ANOS1: variants seen among roughly 807,000 people sequenced by gnomAD.
ANOS1 encodes anosmin 1.
ANOS1 carries 6 observed loss-of-function variants against 59.0 expected under a neutral mutation model. The observed-to-expected ratio is 0.10, with a 90% CI of 0.06 to 0.20. The LOEUF (loss-of-function observed/expected upper bound fraction) is 0.20, where lower values mean the gene tolerates loss of function less well. ANOS1 is among the 10% of genes least tolerant of loss of function. The pLI is 1.00. For synonymous variants in ANOS1, 217 were observed against 223.4 expected, an observed-to-expected ratio of 0.97 and a Z score of 0.25; for missense variants, 433 against 542.3, an observed-to-expected ratio of 0.80 and a Z score of 2.00.
chrX:8,677,947 G>A (rs950332002), intron 2 of ANOS1, among the ~76,000 whole-genome samples: 2 of 110,916 alleles, frequency 1.8e-5, no homozygotes, highest in Non-Finnish European at 3.8e-5. Context: ...TGGGTTGTAG[G>A]GTCCAGAACT....
intron 2 of ANOS1, among the ~76,000 whole-genome samples, chrX:8,657,067 A>C (rs957130090): frequency 6.2e-5 from 7 of 112,408 alleles, no homozygotes; most frequent in African/African-American, 2.3e-4. Flanking sequence ...AGAAGTGGGA[A>C]GGGGGCAGGC....
At chrX:8,594,678 A>ATGTG (rs1314463859) in intron 4 of ANOS1, among the ~76,000 whole-genome samples, 1 of 58,846 alleles carries the variant, frequency 1.7e-5, no homozygotes, top group Admixed American at 2.0e-4. Context: ...ATATATATAT[A>ATGTG]TATATATATA....
intron 1 of ANOS1, among the ~76,000 whole-genome samples, chrX:8,705,119 C>T (rs2146902059): frequency 9.0e-6 from 1 of 111,290 alleles, no homozygotes; most frequent in East Asian, 2.8e-4. Context: ...CCTGACTGGC[C>T]ATTTATTTTC....
Position 8,568,301 on chromosome X carries a change from A to G in ANOS1, c.1138T>C (p.Trp380Arg), listed in dbSNP as rs1353163968. ...GCACTCTTCAGCCGTGTCTGTCCCC[A>G]GTACGTTATGGCTTGCAATTCCACA... ...YVVELQAITY[W>R]GQTRLKSAKV... is the part of the protein sequence containing the mutation. Residue 380 changes from tryptophan to arginine, a missense_variant, in exon 8 of 14, where the codon TGG (tryptophan) becomes CGG (arginine). Physicochemically the swap from Trp to Arg is moderately radical, Grantham distance 101. Transcript: ENST00000262648. 1 of 1,207,411 alleles carries G rather than the reference A, an allele frequency of 8.3e-7. No individual in the cohort carries two copies. Among genetic ancestry groups the G allele is most frequent in the Non-Finnish European group, 1.1e-6 (1 of 893,146 alleles).
chrX:8,538,994 T>C (rs1451029512), intron 10 of ANOS1, among the ~76,000 whole-genome samples: 1 of 112,086 alleles, frequency 8.9e-6, no homozygotes, highest in African/African-American at 3.2e-5. Flanking sequence ...AGGTATCACA[T>C]ATAAACTGCC....
intron 2 of ANOS1, among the ~76,000 whole-genome samples, chrX:8,655,679 C>G (rs1931921270): frequency 9.0e-6 from 1 of 111,714 alleles, no homozygotes; most frequent in Admixed American, 9.5e-5. Context: ...TCCTCCTCCC[C>G]ACAGTGCAGC....
At position 8,566,104 on chromosome X, in the gene ANOS1, G is replaced by A. The variant is rs1272790041; in HGVS notation, c.1207+2128C>T. 5 of 752,719 alleles carry A rather than the reference G, an allele frequency of 6.6e-6. No individual in the cohort carries two copies. The Admixed American group carries it at 4.4e-4, about 66-fold the overall frequency. The allele number at this position is 752,719 out of a possible 1,213,427, so 62.0% of individuals were successfully genotyped here. Reference sequence around the variant, plus strand: ...TTGTGTGGAATGATGTCCATTCCTTGTGGGCCTGCAGATCGCTCACTCTTC... The same window carrying A: ...TTGTGTGGAATGATGTCCATTCCTTATGGGCCTGCAGATCGCTCACTCTTC... On this transcript the variant is annotated intron_variant, in intron 8 of 13. Transcript: ENST00000262648.
chrX:8,610,935 C>T (rs1253932800), intron 3 of ANOS1, among the ~76,000 whole-genome samples: 1 of 111,484 alleles, frequency 9.0e-6, no homozygotes, highest in African/African-American at 3.3e-5. Flanking sequence ...CAAAAATAAT[C>T]CAGTGTGCAA....
chrX:8,530,443 A>G lies in ANOS1; in HGVS notation c.*2552T>C, dbSNP rs1250622731. The G allele has an allele frequency of 8.9e-6, 1 of 111,957 alleles. No individual in the cohort carries two copies. The highest frequency in any genetic ancestry group is 3.2e-5 in the African/African-American group (1 of 30,906). The allele number at this position is 111,957 out of a possible 1,213,427, so 9.2% of individuals were successfully genotyped here. On this transcript the variant is annotated 3_prime_UTR_variant, in exon 14 of 14. Coordinates refer to ENST00000262648, the MANE Select transcript of ANOS1 (RefSeq NM_000216.4). ...TCACATTTTTAAAATTCAAAAAATT[A>G]TAACTATATTTTTGATCATTTGAAT...
intron 1 of ANOS1, among the ~76,000 whole-genome samples, chrX:8,724,965 C>T (rs947967694): frequency 1.8e-5 from 2 of 111,408 alleles, no homozygotes; most frequent in African/African-American, 6.5e-5. Context: ...AGACAACCTG[C>T]TTTCAAAATA....
intron 9 of ANOS1, among the ~76,000 whole-genome samples, chrX:8,541,862 G>A (rs1300620514): frequency 2.7e-5 from 2 of 74,337 alleles, no homozygotes; most frequent in Non-Finnish European, 5.1e-5. Flanking sequence ...GGAGCATGAC[G>A]GATGACTGAA....
intron 1 of ANOS1, among the ~76,000 whole-genome samples, chrX:8,730,580 AC>A (rs61212461): frequency 0.083 from 6,505 of 78,387 alleles, 213 homozygotes; most frequent in African/African-American, 0.19. Flanking sequence ...CTCTAGGGGG[AC>A]CCCCCCCCCC....
chrX:8,588,648 T>C (rs1320157326), intron 4 of ANOS1, among the ~76,000 whole-genome samples: 2 of 112,129 alleles, frequency 1.8e-5, no homozygotes, highest in African/African-American at 3.2e-5. Context: ...GGTTTTGGCA[T>C]GAGTGAGTGT....
Position 8,685,656 on chromosome X carries a change from GAAAA to G in ANOS1, c.255+14038_255+14041del, listed in dbSNP as rs1221490040. 1.4e-3 allele frequency among the ~76,000 whole-genome samples: 134 copies of G among 92,637 alleles called. 3 individuals carry two copies. The East Asian group carries it at 0.021, about 14-fold the overall frequency. The allele number at this position is 92,637 out of a possible 115,157, so 80.4% of individuals were successfully genotyped here. ...AGAAAGAAAGAAAGAAAGAAAGAAAGAAAAAGAAAGGAAGGAAGGAGGGAGGAAG... is the reference window on the plus strand; with the variant it reads ...AGAAAGAAAGAAAGAAAGAAAGAAAGAGAAAGGAAGGAAGGAGGGAGGAAG... On this transcript the variant is annotated intron_variant, in intron 2 of 13. Coordinates refer to ENST00000262648, the MANE Select transcript of ANOS1 (RefSeq NM_000216.4).
In ANOS1 at chrX:8,585,270, T is replaced by C; in HGVS notation, c.853A>G (p.Lys285Glu). ...TGGGAAGAAAAGGAAGACTGACCTT[T>C]GGAAGAACGGAAGTGTTTGCTGGGG... ...TAPSKHFRSS[K>E]DPSAPPAPAN... The change falls in exon 6 of 14, where the codon AAA becomes GAA. Residue 285 changes from lysine to glutamate, a missense_variant. Lys to Glu is a moderately conservative substitution (Grantham distance 56). Transcript: ENST00000262648. 8.3e-7 allele frequency: 1 copy of C among 1,210,772 alleles called. No homozygotes were observed. Among genetic ancestry groups the C allele is most frequent in the Non-Finnish European group, 1.1e-6 (1 of 894,862 alleles).
At chrX:8,674,233 G>A (rs1445628530) in intron 2 of ANOS1, among the ~76,000 whole-genome samples, 1 of 111,859 alleles carries the variant, frequency 8.9e-6, no homozygotes, top group East Asian at 2.8e-4. Flanking sequence ...ATACAAATCT[G>A]CTATAAAGAG....
chrX:8,659,624 TC>T (rs762030454), intron 2 of ANOS1, among the ~76,000 whole-genome samples: 1,821 of 56,763 alleles, frequency 0.032, 74 homozygotes, highest in African/African-American at 0.15. Flanking sequence ...CTTCCTTCCT[TC>T]CTTCCTTCTT....
At position 8,571,498 on chromosome X, in the gene ANOS1, C is replaced by G. The variant is rs974356042; in HGVS notation, c.857-794G>C. 2.7e-5 allele frequency among the ~76,000 whole-genome samples: 3 copies of G among 111,327 alleles called. No homozygotes were observed. The Admixed American group carries it at 2.9e-4, about 11-fold the overall frequency. Reference sequence around the variant, plus strand: ...TCAGTTAAGAACAATAAAGGGAAATCAGAAAAGAAAAAAAATATAAAAACC... The same window carrying G: ...TCAGTTAAGAACAATAAAGGGAAATGAGAAAAGAAAAAAAATATAAAAACC... On this transcript the variant is annotated intron_variant, in intron 6 of 13. Transcript: ENST00000262648.
intron 2 of ANOS1, among the ~76,000 whole-genome samples, chrX:8,643,302 T>A (rs758546606): frequency 1.3e-3 from 145 of 112,043 alleles, no homozygotes; most frequent in Non-Finnish European, 3.2e-4. Context: ...CATTTAAAGA[T>A]CTGGTGACTA....
Sources: allele counts gnomAD v4.1 joint callset (sites outside exome capture counted in the v4.1 genomes callset), GRCh38; gene constraint gnomAD v4.1.1; transcripts MANE v1.5; gene names NCBI Gene and HGNC (gene_info 2026-07-23, HGNC 2026-07-21).